The following CNIH1 variants were observed in gnomAD, a reference collection of about 807,000 sequenced individuals.
The protein encoded by CNIH1 is protein cornichon homolog 1.
CNIH1 carries 12 observed loss-of-function variants against 20.2 expected under a neutral mutation model. The observed-to-expected ratio is 0.59, with a 90% CI of 0.38 to 0.96. The LOEUF (loss-of-function observed/expected upper bound fraction) is 0.96. Ranked by LOEUF, CNIH1 falls within the 40% of genes least tolerant of loss-of-function variation. CNIH1 has a pLI of 0.00. For missense variants in CNIH1, 152 were observed against 178.8 expected (o/e 0.85, Z 0.85); for synonymous variants, 69 against 63.3 (o/e 1.09, Z -0.43).
rs1446540368 is a variant in CNIH1, at chr14:54,423,865, G to A, written c.*3949C>T. The A allele has an allele frequency of 6.6e-6, 1 of 152,194 alleles. No homozygotes were observed. Among genetic ancestry groups the A allele is most frequent in the Non-Finnish European group, 1.5e-5 (1 of 68,040 alleles). The allele number at this position is 152,194 out of a possible 1,614,324, so 9.4% of individuals were successfully genotyped here. A position where few individuals can be genotyped will look rare whatever the true frequency, so the allele number is the denominator to read the frequency against. On this transcript the variant is annotated 3_prime_UTR_variant, in exon 5 of 5. Transcript: ENST00000216416. ...ACGCAATCCTTATGCAGGTCAAGATGTTCTCCACATCTACAATGTGCATTA... is the reference window on the plus strand; with the variant it reads ...ACGCAATCCTTATGCAGGTCAAGATATTCTCCACATCTACAATGTGCATTA...
Position 54,436,381 on chromosome 14 carries a change from AT to A in CNIH1, c.137del (p.Asn46IlefsTer3). 1 of 1,536,530 alleles carries A rather than the reference AT, an allele frequency of 6.5e-7. No individual in the cohort carries two copies. The highest frequency in any genetic ancestry group is 9.0e-7 in the Non-Finnish European group (1 of 1,111,118). The stretch of plus-strand genomic sequence containing the variant: ...TATTATAACTTACGGGATTCAGGGT[AT>A]TACACTGGTCTATAGGATTCTTGTA... ...TDYKNPIDQC[N>X]TLNPLVLPEY... is the part of the protein sequence containing the mutation. On this transcript the variant is annotated frameshift_variant, in exon 2 of 5. Coordinates refer to ENST00000216416, the MANE Select transcript of CNIH1 (RefSeq NM_005776.3). LOFTEE classifies it high-confidence loss of function.
intron 4 of CNIH1, among the ~76,000 whole-genome samples, chr14:54,429,899 TA>T (rs1268084493): frequency 6.6e-6 from 1 of 152,124 alleles, no homozygotes; most frequent in African/African-American, 2.4e-5. Flanking sequence ...AAATGAAACA[TA>T]ATGTCTGGAG....
chr14:54,439,123 A>T (rs2031114657), intron 1 of CNIH1, among the ~76,000 whole-genome samples: 1 of 152,204 alleles, frequency 6.6e-6, no homozygotes, highest in Non-Finnish European at 1.5e-5. Context: ...TAAACACTAT[A>T]AAGGAATGGA....
At position 54,436,824 on chromosome 14, in the gene CNIH1, T is replaced by C. The variant is rs762365171; in HGVS notation, c.82-387A>G. 9 of 437,050 alleles carry C rather than the reference T, an allele frequency of 2.1e-5. No homozygotes were observed. In the East Asian group the frequency reaches 4.2e-4, roughly 20 times the overall value. 27.1% of individuals were successfully genotyped at this position (437,050 alleles called of 1,614,324 possible). A position where few individuals can be genotyped will look rare whatever the true frequency, so the allele number is the denominator to read the frequency against. On this transcript the variant is annotated intron_variant, in intron 1 of 4. Coordinates refer to ENST00000216416, the MANE Select transcript of CNIH1 (RefSeq NM_005776.3). ...AAACCTTCCTAGGTCAACTTCTTTCTGCAGGCTTTCCTAACTCCTTTGGGC... is the reference window on the plus strand; with the variant it reads ...AAACCTTCCTAGGTCAACTTCTTTCCGCAGGCTTTCCTAACTCCTTTGGGC...
intron 1 of CNIH1, among the ~76,000 whole-genome samples, chr14:54,439,358 T>G (rs2031119978): frequency 6.6e-6 from 1 of 151,992 alleles, no homozygotes; most frequent in African/African-American, 2.4e-5. Context: ...TAAGCTGAAA[T>G]TACCCATTTT....
chr14:54,424,564 A>G lies in CNIH1; in HGVS notation c.*3250T>C, dbSNP rs909440091. 5 of 152,234 alleles carry G rather than the reference A, an allele frequency of 3.3e-5. No homozygotes were observed. The highest frequency in any genetic ancestry group is 7.2e-5 in the African/African-American group (3 of 41,472). The allele number at this position is 152,234 out of a possible 1,614,324, so 9.4% of individuals were successfully genotyped here. ...ACTATGGCAATATTCCACGAACTCT[A>G]TTCATAAACATAGAAGGAGAAGAGA... On this transcript the variant is annotated 3_prime_UTR_variant, in exon 5 of 5. Transcript: ENST00000216416.
intron 3 of CNIH1, 53 bp downstream of exon 3, chr14:54,432,055 A>G: frequency 1.1e-6 from 1 of 870,698 alleles, no homozygotes; most frequent in Non-Finnish European, 1.6e-6. Context: ...TATCAACCAC[A>G]GTATATTTAA....
chr14:54,434,707 C>T (rs888568729), intron 2 of CNIH1, among the ~76,000 whole-genome samples: 1 of 152,142 alleles, frequency 6.6e-6, no homozygotes, highest in Admixed American at 6.5e-5. Flanking sequence ...ACAAACAGCA[C>T]AGAATACTAT....
chr14:54,436,661 A>T, intron 1 of CNIH1: 1 of 574,338 alleles, frequency 1.7e-6, no homozygotes, highest in Non-Finnish European at 3.1e-6. Flanking sequence ...GTATTACTGT[A>T]ATAAATACCT....
intron 1 of CNIH1, among the ~76,000 whole-genome samples, chr14:54,437,880 A>G (rs561229334): frequency 2.0e-5 from 3 of 152,366 alleles, no homozygotes; most frequent in Admixed American, 6.5e-5. Flanking sequence ...GATGATAATC[A>G]TAAGTACTTG....
Position 54,424,006 on chromosome 14 carries a change from G to A in CNIH1, c.*3808C>T, listed in dbSNP as rs1031903255. The A allele has an allele frequency of 6.6e-6, 1 of 152,090 alleles. No homozygotes were observed. The highest frequency in any genetic ancestry group is 6.5e-5 in the Admixed American group (1 of 15,272). 9.4% of individuals were successfully genotyped at this position (152,090 alleles called of 1,614,324 possible). A position where few individuals can be genotyped will look rare whatever the true frequency, so the allele number is the denominator to read the frequency against. On this transcript the variant is annotated 3_prime_UTR_variant, in exon 5 of 5. Coordinates refer to ENST00000216416, the MANE Select transcript of CNIH1 (RefSeq NM_005776.3). ...TTACTTCTTTTAGACATTTAGCTTTGGAACTTTGAATTTCAAAGTAAAATT... is the reference window on the plus strand; with the variant it reads ...TTACTTCTTTTAGACATTTAGCTTTAGAACTTTGAATTTCAAAGTAAAATT...
Position 54,424,644 on chromosome 14 carries a change from T to C in CNIH1, c.*3170A>G, listed in dbSNP as rs2030791630. On this transcript the variant is annotated 3_prime_UTR_variant, in exon 5 of 5. Coordinates refer to ENST00000216416, the MANE Select transcript of CNIH1 (RefSeq NM_005776.3). ...AAAGCACATACAACTTTATTTCCTT[T>C]CTATGTAAATATTTGACATAGCTTC... is the stretch of plus-strand genomic sequence containing the variant. 6.6e-6 allele frequency: 1 copy of C among 152,244 alleles called. No individual in the cohort carries two copies. The highest frequency in any genetic ancestry group is 2.1e-4 in the South Asian group (1 of 4,836). 9.4% of individuals were successfully genotyped at this position (152,244 alleles called of 1,614,324 possible). A position where few individuals can be genotyped will look rare whatever the true frequency, so the allele number is the denominator to read the frequency against.
chr14:54,427,994 G>A (rs1191640552), intron 4 of CNIH1, among the ~76,000 whole-genome samples, 153 bp from the exon 5 acceptor site: 1 of 152,128 alleles, frequency 6.6e-6, no homozygotes, highest in Non-Finnish European at 1.5e-5. Flanking sequence ...TGCATTTATG[G>A]ACTTTTGCCT....
intron 1 of CNIH1, chr14:54,436,662 ATAAATACCT>A: frequency 1.7e-6 from 1 of 574,048 alleles, no homozygotes; most frequent in Non-Finnish European, 3.1e-6. Flanking sequence ...TATTACTGTA[ATAAATACCT>A]TCAATTTTCA....
rs1295952089 is a variant in CNIH1 at position 54,424,423 on chromosome 14, C to T, written c.*3391G>A. ...CATAAATAAGTAAACTAGACACATA[C>T]TTTTAAATATAGACCATTATTTGAG... On this transcript the variant is annotated 3_prime_UTR_variant, in exon 5 of 5. Coordinates refer to ENST00000216416, the MANE Select transcript of CNIH1 (RefSeq NM_005776.3). 5 of 152,150 alleles carry T rather than the reference C, an allele frequency of 3.3e-5. No homozygotes were observed. Among genetic ancestry groups the T allele is most frequent in the African/African-American group, 1.2e-4 (5 of 41,432 alleles). The allele number at this position is 152,150 out of a possible 1,614,324, so 9.4% of individuals were successfully genotyped here.
rs1332166229 is a variant in CNIH1 at position 54,425,704 on chromosome 14, C to A, written c.*2110G>T. 6.6e-6 allele frequency: 1 copy of A among 152,202 alleles called. No individual in the cohort carries two copies. Among genetic ancestry groups the A allele is most frequent in the Non-Finnish European group, 1.5e-5 (1 of 68,030 alleles). The allele number at this position is 152,202 out of a possible 1,614,324, so 9.4% of individuals were successfully genotyped here. On this transcript the variant is annotated 3_prime_UTR_variant, in exon 5 of 5. Coordinates refer to ENST00000216416, the MANE Select transcript of CNIH1 (RefSeq NM_005776.3). ...AATCACTTACATGCCTAGGAACTCA[C>A]AAACTACCACAAAGATGGGTGAAAC... is the stretch of plus-strand genomic sequence containing the variant.
At position 54,424,171 on chromosome 14, in the gene CNIH1, C is replaced by T. The variant is rs1594613742; in HGVS notation, c.*3643G>A. The T allele has an allele frequency of 1.3e-5, 2 of 152,310 alleles. No individual in the cohort carries two copies. Among genetic ancestry groups the T allele is most frequent in the South Asian group, 2.1e-4 (1 of 4,828 alleles). 9.4% of individuals were successfully genotyped at this position (152,310 alleles called of 1,614,324 possible). On this transcript the variant is annotated 3_prime_UTR_variant, in exon 5 of 5. Coordinates refer to ENST00000216416, the MANE Select transcript of CNIH1 (RefSeq NM_005776.3). ...CTTACTAGCTGCTGGTCATACTGCA[C>T]ATCAATGATTGGTTTGAGCAAAGGA...
At chr14:54,437,054 T>G (rs184668580) in intron 1 of CNIH1, among the ~76,000 whole-genome samples, 126 of 152,328 alleles carry the variant, frequency 8.3e-4, no homozygotes, top group Admixed American at 2.8e-3. Context: ...ATTCGAACTC[T>G]TCAATGTGTT....
intron 1 of CNIH1, 99 bp from the exon 2 acceptor site, chr14:54,436,536 A>G: frequency 1.5e-6 from 1 of 689,156 alleles, no homozygotes; most frequent in Non-Finnish European, 2.6e-6. Context: ...ATAAAACAAG[A>G]ACAAAAGTAC....
Sources: allele counts gnomAD v4.1 joint callset (sites outside exome capture counted in the v4.1 genomes callset), GRCh38; gene constraint gnomAD v4.1.1; transcripts MANE v1.5; gene names NCBI Gene and HGNC (gene_info 2026-07-23, HGNC 2026-07-21).